MALRD1: variants seen among roughly 807,000 people sequenced by gnomAD.
MALRD1 encodes MAM and LDL receptor class A domain containing 1.
In MALRD1, 247 loss-of-function variants were observed where a neutral mutation model predicts 242.1. The ratio of observed to expected loss-of-function variants is 1.02; its 90% CI spans 0.92 to 1.13. MALRD1 has a LOEUF of 1.13. Among genes scored for constraint, MALRD1 ranks in the 50% most tolerant of loss-of-function variants. The pLI is 0.00. For missense variants in MALRD1, 2,989 were observed against 2,533.1 expected (o/e 1.18, Z -3.86); for synonymous variants, 995 against 866.6 (o/e 1.15, Z -2.60).
intron 18 of MALRD1, among the ~76,000 whole-genome samples, chr10:19,228,011 C>T (rs1019380502): frequency 1.3e-5 from 2 of 152,108 alleles, no homozygotes; most frequent in Non-Finnish European, 2.9e-5. Context: ...AGTGGGACTT[C>T]AAAATGGTAC....
Position 19,595,371 on chromosome 10 carries a change from C to T in MALRD1, c.5858C>T (p.Pro1953Leu), listed in dbSNP as rs541354744. 191 of 1,550,542 alleles carry T rather than the reference C, an allele frequency of 1.2e-4. No homozygotes were observed. In the African/African-American group the frequency reaches 2.3e-3, roughly 19 times the overall value. ...TPPLCSNMEF[P>L]CSTDECIPSL... is the part of the protein sequence containing the mutation. ...CCACTCTGTAGTAACATGGAGTTCC[C>T]GTGCTCTACAGACGAGTGTATACCT... is the stretch of plus-strand genomic sequence containing the variant. The change falls in exon 34 of 40, where the codon CCG becomes CTG. Residue 1953 changes from proline (P) to leucine (L), a missense_variant. Pro to Leu is a moderately conservative substitution (Grantham distance 98). Coordinates refer to ENST00000454679, the MANE Select transcript of MALRD1 (RefSeq NM_001142308.3).
At position 19,257,483 on chromosome 10, in the gene MALRD1, C is replaced by T. The variant is rs115529202; in HGVS notation, c.2992-201C>T. ...ATGAGTTCCATGGGTCTAATAGGCT[C>T]AATGTAGTATGGAGGTTTCTGTTAC... is the stretch of plus-strand genomic sequence containing the variant. On this transcript the variant is annotated intron_variant, in intron 18 of 39. Transcript: ENST00000454679. 8.5e-3 allele frequency among the ~76,000 whole-genome samples: 1,291 copies of T among 152,088 alleles called. 14 individuals carry two copies. Among genetic ancestry groups the T allele is most frequent in the African/African-American group, 0.029 (1,220 of 41,482 alleles).
intron 18 of MALRD1, among the ~76,000 whole-genome samples, chr10:19,235,071 C>G (rs1395936932): frequency 2.6e-5 from 4 of 152,114 alleles, no homozygotes; most frequent in Non-Finnish European, 5.9e-5. Flanking sequence ...GTAGCCAGAT[C>G]AAGGATATCT....
At chr10:19,464,134 T>C (rs943446859) in intron 29 of MALRD1, among the ~76,000 whole-genome samples, 7 of 152,180 alleles carry the variant, frequency 4.6e-5, no homozygotes, top group African/African-American at 1.4e-4. Context: ...GAGGTATATA[T>C]TGTGAAGATT....
chr10:19,580,558 T>G (rs935059685), intron 33 of MALRD1, among the ~76,000 whole-genome samples: 1 of 152,184 alleles, frequency 6.6e-6, no homozygotes, highest in Non-Finnish European at 1.5e-5. Context: ...GTAACCTGCC[T>G]CTGGATGTGT....
chr10:19,179,169 T>C (rs1042008132), intron 14 of MALRD1, among the ~76,000 whole-genome samples: 1 of 152,222 alleles, frequency 6.6e-6, no homozygotes, highest in Non-Finnish European at 1.5e-5. Context: ...GGTATCTATG[T>C]AGTCATATTT....
chr10:19,130,221 G>A (rs538874970), intron 8 of MALRD1, among the ~76,000 whole-genome samples: 3 of 152,102 alleles, frequency 2.0e-5, no homozygotes, highest in South Asian at 2.1e-4. Flanking sequence ...GTCCAGATAC[G>A]TGGGATCAAT....
intron 18 of MALRD1, among the ~76,000 whole-genome samples, chr10:19,211,718 A>C (rs1024035754): frequency 7.5e-6 from 1 of 133,660 alleles, no homozygotes; most frequent in African/African-American, 2.8e-5. Context: ...AAAAAAAAAA[A>C]GGTTGGGCAG....
intron 28 of MALRD1, among the ~76,000 whole-genome samples, chr10:19,424,222 C>T (rs955871990): frequency 1.3e-5 from 2 of 152,098 alleles, no homozygotes; most frequent in Non-Finnish European, 2.9e-5. Flanking sequence ...TGCAGTGGCA[C>T]AATCTCAGCT....
chr10:19,220,110 T>C (rs1362965991), intron 18 of MALRD1, among the ~76,000 whole-genome samples: 1 of 152,200 alleles, frequency 6.6e-6, no homozygotes, highest in Non-Finnish European at 1.5e-5. Flanking sequence ...TTTTAAAAAG[T>C]TGTTCAGTAT....
At chr10:19,422,966 C>G (rs1279862842) in intron 28 of MALRD1, among the ~76,000 whole-genome samples, 2 of 152,172 alleles carry the variant, frequency 1.3e-5, no homozygotes, top group Admixed American at 6.6e-5. Context: ...CTGCTCATAT[C>G]TACTGTTCTC....
intron 21 of MALRD1, among the ~76,000 whole-genome samples, chr10:19,304,446 A>G (rs897939618): frequency 8.6e-5 from 13 of 151,696 alleles, no homozygotes; most frequent in Non-Finnish European, 1.6e-4. Context: ...CTAATATAGC[A>G]TATCCGTTTC....
chr10:19,698,508 G>A (rs115890916), intron 38 of MALRD1, among the ~76,000 whole-genome samples: 1,569 of 152,252 alleles, frequency 0.01, 21 homozygotes, highest in African/African-American at 0.035. Flanking sequence ...AAGAAAGGAG[G>A]ATGAGAGTTT....
chr10:19,185,704 A>G (rs975714388), intron 14 of MALRD1, among the ~76,000 whole-genome samples: 2 of 152,142 alleles, frequency 1.3e-5, no homozygotes, highest in Non-Finnish European at 2.9e-5. Flanking sequence ...ATTGACCAAG[A>G]ATAATTGCAT....
At chr10:19,293,274 A>T (rs1841535006) in intron 21 of MALRD1, among the ~76,000 whole-genome samples, 1 of 152,180 alleles carries the variant, frequency 6.6e-6, no homozygotes, top group Non-Finnish European at 1.5e-5. Flanking sequence ...CTGTAGTTAT[A>T]TATACATATA....
chr10:19,318,643 T>A (rs1842801153), intron 21 of MALRD1, among the ~76,000 whole-genome samples: 1 of 151,872 alleles, frequency 6.6e-6, no homozygotes, highest in African/African-American at 2.4e-5. Flanking sequence ...TTCTCCATGG[T>A]CTCCAGATCT....
chr10:19,630,257 T>C (rs1319787590), intron 36 of MALRD1, among the ~76,000 whole-genome samples: 1 of 152,216 alleles, frequency 6.6e-6, no homozygotes, highest in Non-Finnish European at 1.5e-5. Flanking sequence ...AGTTTTTATA[T>C]ATGGTTATAT....
chr10:19,374,523 T>C (rs1845519109), intron 26 of MALRD1, among the ~76,000 whole-genome samples: 5 of 152,236 alleles, frequency 3.3e-5, no homozygotes, highest in Admixed American at 3.3e-4. Context: ...TGTGATTTTA[T>C]TTAGTATCAC....
At chr10:19,637,530 C>T (rs1840194116) in intron 36 of MALRD1, among the ~76,000 whole-genome samples, 1 of 152,128 alleles carries the variant, frequency 6.6e-6, no homozygotes, top group South Asian at 2.1e-4. Flanking sequence ...TGACCCGGCT[C>T]CAGAATTCCA....
Sources: allele counts gnomAD v4.1 joint callset (sites outside exome capture counted in the v4.1 genomes callset), GRCh38; gene constraint gnomAD v4.1.1; transcripts MANE v1.5; gene names NCBI Gene and HGNC (gene_info 2026-07-23, HGNC 2026-07-21).